FRMD5: variants seen among roughly 807,000 people sequenced by gnomAD.
FRMD5 encodes the protein FERM domain containing 5, also known as FERM domain-containing protein 5.
In FRMD5, 20 loss-of-function variants were observed where a neutral mutation model predicts 69.0. That is an observed-to-expected ratio of 0.29 (90% CI 0.20 to 0.42). FRMD5 has a LOEUF of 0.42. FRMD5 is among the 10% of genes least tolerant of loss of function. The pLI, the probability that FRMD5 is intolerant of heterozygous loss-of-function variation, is 1.00. For synonymous variants in FRMD5, 271 were observed against 260.1 expected, an observed-to-expected ratio of 1.04 and a Z score of -0.40; for missense variants, 595 against 708.6, an observed-to-expected ratio of 0.84 and a Z score of 1.82.
At chr15:43,970,623 T>G (rs2090360402) in intron 1 of FRMD5, among the ~76,000 whole-genome samples, 1 of 152,118 alleles carries the variant, frequency 6.6e-6, no homozygotes, top group South Asian at 2.1e-4. Context: ...CTTGGCTAAT[T>G]CTTTTGTACT....
chr15:43,883,156 G>A (rs2088577453), intron 13 of FRMD5, among the ~76,000 whole-genome samples: 1 of 151,276 alleles, frequency 6.6e-6, no homozygotes, highest in Admixed American at 6.6e-5. Context: ...CTGGAGAGCA[G>A]TGGCACGAAC....
chr15:44,092,157 G>T (rs1009416588), intron 1 of FRMD5, among the ~76,000 whole-genome samples: 10 of 152,166 alleles, frequency 6.6e-5, no homozygotes, highest in African/African-American at 2.4e-4. Flanking sequence ...TCTGTTTTGG[G>T]AATCTAGTCC....
intron 1 of FRMD5, among the ~76,000 whole-genome samples, chr15:43,978,043 A>G (rs939640621): frequency 6.6e-6 from 1 of 151,954 alleles, no homozygotes; most frequent in African/African-American, 2.4e-5. Context: ...AAACCTCCCT[A>G]TAGAAACTTT....
intron 1 of FRMD5, among the ~76,000 whole-genome samples, chr15:44,123,670 T>C (rs917010761): frequency 6.6e-6 from 1 of 151,936 alleles, no homozygotes; most frequent in South Asian, 2.1e-4. Flanking sequence ...TGTCCAAAAA[T>C]GTAAAAGAAA....
In FRMD5 at chr15:43,871,416, C is replaced by T. The variant is rs772733928; in HGVS notation, c.*2469G>A. 1 of 152,248 alleles carries T rather than the reference C, an allele frequency of 6.6e-6. No individual in the cohort carries two copies. Among genetic ancestry groups the T allele is most frequent in the Non-Finnish European group, 1.5e-5 (1 of 68,062 alleles). 9.4% of individuals were successfully genotyped at this position (152,248 alleles called of 1,614,324 possible). ...TGAAAGGTCAGAGTTGAGGCTATCA[C>T]TCACTGCATAGAAACACCAGATTCT... On this transcript the variant is annotated 3_prime_UTR_variant, in exon 14 of 14. Transcript: ENST00000417257.
chr15:43,920,206 T>C (rs931782197), intron 2 of FRMD5, among the ~76,000 whole-genome samples: 2 of 152,248 alleles, frequency 1.3e-5, no homozygotes, highest in South Asian at 2.1e-4. Flanking sequence ...GTTTCTGTTA[T>C]GCACCAGCTT....
intron 1 of FRMD5, among the ~76,000 whole-genome samples, chr15:44,072,248 A>T (rs1893573172): frequency 6.6e-6 from 1 of 152,194 alleles, no homozygotes; most frequent in Admixed American, 6.5e-5. Context: ...TCGACCTCGT[A>T]AGTTCTTTTT....
intron 1 of FRMD5, among the ~76,000 whole-genome samples, chr15:44,125,244 G>A (rs1197784741): frequency 6.6e-6 from 1 of 152,076 alleles, no homozygotes; most frequent in Non-Finnish European, 1.5e-5. Context: ...TGAGACTGTA[G>A]TGAGCTAGGA....
intron 1 of FRMD5, among the ~76,000 whole-genome samples, chr15:44,073,405 G>A (rs972051484): frequency 9.9e-5 from 15 of 152,114 alleles, no homozygotes; most frequent in Non-Finnish European, 1.9e-4. Context: ...CATAAGTGCT[G>A]TAGCAAATGG....
At chr15:43,906,836 C>T (rs866256455) in intron 5 of FRMD5, among the ~76,000 whole-genome samples, 3 of 151,078 alleles carry the variant, frequency 2.0e-5, no homozygotes, top group East Asian at 1.9e-4. Context: ...CTCCTGACCT[C>T]GTGATCCGCC....
At chr15:43,885,801 C>T (rs1373950109) in intron 10 of FRMD5, 46 bp from the exon 11 acceptor site, 2 of 1,469,512 alleles carry the variant, frequency 1.4e-6, no homozygotes, top group African/African-American at 1.4e-5. Flanking sequence ...TGAACTGCCT[C>T]ACACAGGTTA....
At chr15:44,181,650 C>G (rs778083457) in intron 1 of FRMD5, among the ~76,000 whole-genome samples, 2 of 152,052 alleles carry the variant, frequency 1.3e-5, no homozygotes, top group African/African-American at 2.4e-5. Context: ...ACTTATAATC[C>G]CAGCACTTTG....
At chr15:43,974,743 T>G (rs747432942) in intron 1 of FRMD5, among the ~76,000 whole-genome samples, 1 of 152,260 alleles carries the variant, frequency 6.6e-6, no homozygotes, top group Non-Finnish European at 1.5e-5. Flanking sequence ...CAGATTCATG[T>G]AGCTCTCTGA....
chr15:43,994,964 G>T (rs896553898), intron 1 of FRMD5, among the ~76,000 whole-genome samples: 1 of 152,158 alleles, frequency 6.6e-6, no homozygotes, highest in African/African-American at 2.4e-5. Flanking sequence ...TTGCTTATCT[G>T]AGAAAGCCTT....
intron 13 of FRMD5, chr15:43,876,101 A>G: frequency 7.1e-7 from 1 of 1,402,514 alleles, no homozygotes; most frequent in Middle Eastern, 2.4e-4. Context: ...TGATTTTGCC[A>G]TGTTTTTCCC....
At chr15:44,195,765 T>A (rs550887350), upstream of FRMD5, among the ~76,000 whole-genome samples, 5 of 152,340 alleles carry the variant, frequency 3.3e-5, no homozygotes, top group East Asian at 9.7e-4. Context: ...AGTTGGCCCG[T>A]CTGGCCTCTG....
In FRMD5 at chr15:43,985,698, A is replaced by G. The variant is rs539331206; in HGVS notation, c.103-61389T>C. Among the ~76,000 whole-genome samples, 4 of 152,302 alleles carry G rather than the reference A, an allele frequency of 2.6e-5. No homozygotes were observed. The East Asian group carries it at 7.7e-4, about 29-fold the overall frequency. ...ACATTCTGTGCGGATAAGTATTCACATTAATGAATGGAGAAATGTCTATTT... is the reference window on the plus strand; with the variant it reads ...ACATTCTGTGCGGATAAGTATTCACGTTAATGAATGGAGAAATGTCTATTT... On this transcript the variant is annotated intron_variant, in intron 1 of 13. Transcript: ENST00000417257.
chr15:43,968,350 T>C (rs1484335253), intron 1 of FRMD5, among the ~76,000 whole-genome samples: 1 of 152,222 alleles, frequency 6.6e-6, no homozygotes, highest in African/African-American at 2.4e-5. Flanking sequence ...TTAGCTTCAA[T>C]TGAAAAGCTG....
chr15:44,199,061 C>A (rs995903019), upstream of FRMD5, among the ~76,000 whole-genome samples: 10 of 152,080 alleles, frequency 6.6e-5, no homozygotes, highest in African/African-American at 2.2e-4. Flanking sequence ...ATATTCTATA[C>A]CCTGCTGTTC....
Sources: allele counts gnomAD v4.1 joint callset (sites outside exome capture counted in the v4.1 genomes callset), GRCh38; gene constraint gnomAD v4.1.1; transcripts MANE v1.5; gene names NCBI Gene and HGNC (gene_info 2026-07-23, HGNC 2026-07-21).